Variants in KCNIP4 observed in about 807,000 individuals in gnomAD.
The protein encoded by KCNIP4 is potassium voltage-gated channel interacting protein 4.
KCNIP4 carries 12 observed loss-of-function variants against 34.0 expected under a neutral mutation model. The observed-to-expected ratio is 0.35, with a 90% CI of 0.23 to 0.57. The LOEUF is 0.57. KCNIP4 is among the 20% of genes least tolerant of loss of function. The pLI, the probability that KCNIP4 is intolerant of heterozygous loss-of-function variation, is 0.83. For synonymous variants in KCNIP4, 124 were observed against 102.2 expected, an observed-to-expected ratio of 1.21 and a Z score of -1.29; for missense variants, 238 against 311.7, an observed-to-expected ratio of 0.76 and a Z score of 1.78.
At chr4:21,833,881 T>C (rs1451754252) in intron 1 of KCNIP4, among the ~76,000 whole-genome samples, 1 of 152,210 alleles carries the variant, frequency 6.6e-6, no homozygotes, top group African/African-American at 2.4e-5. Flanking sequence ...TTCTCAGGTT[T>C]ATCAAAGATC....
At chr4:21,398,091 C>T (rs892977153) in intron 1 of KCNIP4, among the ~76,000 whole-genome samples, 1 of 152,130 alleles carries the variant, frequency 6.6e-6, no homozygotes, top group Non-Finnish European at 1.5e-5. Context: ...TGGGGCCTGT[C>T]GGACTCTTTT....
chr4:20,797,916 C>T (rs998237737), intron 3 of KCNIP4, among the ~76,000 whole-genome samples: 19 of 152,154 alleles, frequency 1.2e-4, no homozygotes, highest in Admixed American at 1.2e-3. Context: ...TGGAAGATAA[C>T]ACAGTGATGG....
intron 1 of KCNIP4, among the ~76,000 whole-genome samples, chr4:21,825,026 C>CA (rs1722590886): frequency 1.3e-5 from 2 of 152,034 alleles, no homozygotes; most frequent in South Asian, 2.1e-4. Flanking sequence ...ACCACTTTCA[C>CA]AAAAAAAGCA....
At chr4:21,818,966 A>C (rs997483063) in intron 1 of KCNIP4, among the ~76,000 whole-genome samples, 1 of 152,186 alleles carries the variant, frequency 6.6e-6, no homozygotes, top group Admixed American at 6.6e-5. Context: ...GATGCAAAAG[A>C]CATCACATCC....
chr4:21,062,677 C>G (rs1251819833), intron 1 of KCNIP4, among the ~76,000 whole-genome samples: 1 of 151,914 alleles, frequency 6.6e-6, no homozygotes, highest in Non-Finnish European at 1.5e-5. Flanking sequence ...TTTGTTTGAC[C>G]CTGAAGCCCT....
chr4:20,924,453 C>T (rs1300321548), intron 1 of KCNIP4, among the ~76,000 whole-genome samples: 1 of 152,092 alleles, frequency 6.6e-6, no homozygotes, highest in Non-Finnish European at 1.5e-5. Context: ...GTTTCATTCC[C>T]CTTTATATAT....
At chr4:21,200,306 A>G (rs987719984) in intron 1 of KCNIP4, among the ~76,000 whole-genome samples, 6 of 114,682 alleles carry the variant, frequency 5.2e-5, no homozygotes, top group African/African-American at 2.7e-4. Flanking sequence ...GTGTGTATAT[A>G]TATACATACA....
chr4:21,640,213 C>G (rs914485963), intron 1 of KCNIP4, among the ~76,000 whole-genome samples: 2 of 152,174 alleles, frequency 1.3e-5, no homozygotes, highest in African/African-American at 2.4e-5. Context: ...ATCATGGTAA[C>G]AACACCCATC....
chr4:21,113,704 A>G (rs1239845260), intron 1 of KCNIP4, among the ~76,000 whole-genome samples: 1 of 152,226 alleles, frequency 6.6e-6, no homozygotes, highest in African/African-American at 2.4e-5. Context: ...CATGTGTAAT[A>G]GATGAGGATT....
At chr4:21,310,551 C>A (rs957357758) in intron 1 of KCNIP4, among the ~76,000 whole-genome samples, 5 of 152,184 alleles carry the variant, frequency 3.3e-5, no homozygotes, top group Non-Finnish European at 5.9e-5. Context: ...GAATAGAAAG[C>A]AAATTTGACC....
intron 1 of KCNIP4, among the ~76,000 whole-genome samples, chr4:21,526,285 A>G (rs1440936362): frequency 6.6e-6 from 1 of 152,090 alleles, no homozygotes; most frequent in Non-Finnish European, 1.5e-5. Flanking sequence ...ATGGTTTAAT[A>G]AAGGGGAGTT....
chr4:20,955,739 A>G (rs1486781826), intron 1 of KCNIP4, among the ~76,000 whole-genome samples: 1 of 152,230 alleles, frequency 6.6e-6, no homozygotes, highest in Non-Finnish European at 1.5e-5. Flanking sequence ...CAGTTTAAAA[A>G]AACTTTAGGT....
intron 1 of KCNIP4, among the ~76,000 whole-genome samples, chr4:21,029,401 T>C (rs1740819417): frequency 6.6e-6 from 1 of 152,366 alleles, no homozygotes. Flanking sequence ...CTTTCTATGA[T>C]GTACTAACAG....
intron 1 of KCNIP4, among the ~76,000 whole-genome samples, chr4:21,355,017 T>C (rs1269678762): frequency 6.6e-6 from 1 of 152,106 alleles, no homozygotes; most frequent in East Asian, 1.9e-4. Context: ...CTCAACTACA[T>C]GGAAACTGAA....
intron 1 of KCNIP4, among the ~76,000 whole-genome samples, chr4:21,423,523 T>A (rs190540545): frequency 2.0e-5 from 3 of 152,282 alleles, no homozygotes; most frequent in Admixed American, 2.0e-4. Context: ...AGTAAATGAG[T>A]AACTAATGCT....
chr4:21,209,015 T>C (rs1024419436), intron 1 of KCNIP4, among the ~76,000 whole-genome samples: 1 of 152,088 alleles, frequency 6.6e-6, no homozygotes, highest in East Asian at 1.9e-4. Flanking sequence ...TTCCACCTGG[T>C]CCCATCCTTG....
intron 1 of KCNIP4, among the ~76,000 whole-genome samples, chr4:21,268,037 G>A (rs1471976457): frequency 1.3e-5 from 2 of 151,982 alleles, no homozygotes; most frequent in Non-Finnish European, 2.9e-5. Context: ...TCCTGTTATT[G>A]GTCTATTCAG....
intron 1 of KCNIP4, among the ~76,000 whole-genome samples, chr4:21,753,677 G>A (rs2109149411): frequency 6.6e-6 from 1 of 152,236 alleles, no homozygotes; most frequent in African/African-American, 2.4e-5. Flanking sequence ...GGGTTAGTAG[G>A]GAAGCCCGGA....
chr4:21,579,507 T>G (rs1288486304), intron 1 of KCNIP4, among the ~76,000 whole-genome samples: 1 of 152,200 alleles, frequency 6.6e-6, no homozygotes, highest in Non-Finnish European at 1.5e-5. Context: ...ATCTATTAAT[T>G]GCTGTTTCAA....
Sources: allele counts gnomAD v4.1 joint callset (sites outside exome capture counted in the v4.1 genomes callset), GRCh38; gene constraint gnomAD v4.1.1; transcripts MANE v1.5; gene names NCBI Gene and HGNC (gene_info 2026-07-23, HGNC 2026-07-21).